Variants in ANXA3 observed in about 807,000 individuals in gnomAD.
ANXA3 encodes annexin A3.
In ANXA3, 46 loss-of-function variants were observed where a neutral mutation model predicts 48.8. The ratio of observed to expected loss-of-function variants is 0.94; its 90% CI spans 0.74 to 1.21. The LOEUF is 1.21. Ranked by LOEUF, ANXA3 falls within the 50% of genes most tolerant of loss-of-function variation. The pLI is 0.00. For missense variants in ANXA3, 383 were observed against 378.6 expected (o/e 1.01, Z -0.10); for synonymous variants, 128 against 134.7 (o/e 0.95, Z 0.35).
chr4:78,571,234 C>T (rs1211711119), intron 2 of ANXA3: 6 of 152,192 alleles, frequency 3.9e-5, no homozygotes, highest in Admixed American at 1.3e-4. Context: ...TGGCCCTGAA[C>T]TCCTGGGCTC....
At chr4:78,585,684 C>T (rs1723159315) in intron 5 of ANXA3, among the ~76,000 whole-genome samples, 2 of 152,194 alleles carry the variant, frequency 1.3e-5, no homozygotes, top group South Asian at 2.1e-4. Flanking sequence ...TGTTCATATG[C>T]TGCACTGGCC....
chr4:78,582,497 T>C lies in ANXA3; in HGVS notation c.312+207T>C, dbSNP rs139188423. Reference sequence around the variant, plus strand: ...GGGCTGGAAGAATTTTGTCATATCCTTTGTTTGACATGAAGAGTCAAGTTC... The same window carrying C: ...GGGCTGGAAGAATTTTGTCATATCCCTTGTTTGACATGAAGAGTCAAGTTC... On this transcript the variant is annotated intron_variant, in intron 5 of 12. Coordinates refer to ENST00000264908, the MANE Select transcript of ANXA3 (RefSeq NM_005139.3). 585 of 469,246 alleles carry C rather than the reference T, an allele frequency of 1.2e-3. 3 individuals are homozygous for C. Among genetic ancestry groups the C allele is most frequent in the African/African-American group, 9.9e-3 (509 of 51,384 alleles). 29.1% of individuals were successfully genotyped at this position (469,246 alleles called of 1,614,324 possible).
At chr4:78,569,032 A>G (rs1476095969) in intron 2 of ANXA3, among the ~76,000 whole-genome samples, 1 of 152,254 alleles carries the variant, frequency 6.6e-6, no homozygotes, top group Non-Finnish European at 1.5e-5. Context: ...GAATAAGCAA[A>G]TGCAGGAAAC....
intron 2 of ANXA3, among the ~76,000 whole-genome samples, chr4:78,562,059 T>C (rs1409887405): frequency 6.6e-6 from 1 of 152,122 alleles, no homozygotes; most frequent in Non-Finnish European, 1.5e-5. Context: ...TATTTAATCA[T>C]GATAAAACTA....
intron 10 of ANXA3, among the ~76,000 whole-genome samples, chr4:78,597,947 G>C (rs1723455166): frequency 6.6e-6 from 1 of 151,686 alleles, no homozygotes; most frequent in Non-Finnish European, 1.5e-5. Flanking sequence ...TTTTAAATTT[G>C]TATTTGTCTT....
chr4:78,575,949 G>A (rs1722942941), intron 3 of ANXA3, among the ~76,000 whole-genome samples: 1 of 151,850 alleles, frequency 6.6e-6, no homozygotes, highest in South Asian at 2.1e-4. Flanking sequence ...ACATTTAATT[G>A]TCCCAGAACA....
chr4:78,572,603 C>T (rs1722861290), intron 2 of ANXA3, among the ~76,000 whole-genome samples: 1 of 151,998 alleles, frequency 6.6e-6, no homozygotes, highest in Non-Finnish European at 1.5e-5. Flanking sequence ...GAGTCTGCTT[C>T]TAAGTGGGGG....
intron 8 of ANXA3, 143 bp from the exon 9 acceptor site, chr4:78,595,651 A>G (rs1723408023): frequency 2.7e-6 from 2 of 754,398 alleles, no homozygotes; most frequent in South Asian, 1.8e-5. Context: ...TGACAGCCCA[A>G]TTTTTGATTT....
At chr4:78,582,322 G>A in intron 5 of ANXA3, 32 bp downstream of exon 5, 1 of 1,464,168 alleles carries the variant, frequency 6.8e-7, no homozygotes, top group Non-Finnish European at 9.6e-7. Context: ...TTTCTGCCCA[G>A]GGTTTGACCA....
chr4:78,595,704 A>T, intron 8 of ANXA3, 90 bp from the exon 9 acceptor site: 1 of 846,520 alleles, frequency 1.2e-6, no homozygotes, highest in South Asian at 1.6e-5. Context: ...AGATGATGGC[A>T]CTGACCTCTG....
chr4:78,565,607 G>A (rs1031647161), intron 2 of ANXA3, among the ~76,000 whole-genome samples: 2 of 152,204 alleles, frequency 1.3e-5, no homozygotes, highest in Non-Finnish European at 2.9e-5. Context: ...AATTGGCGAT[G>A]AGCACAGAAA....
At chr4:78,552,906 C>T (rs1316340265) in intron 1 of ANXA3, among the ~76,000 whole-genome samples, 1 of 152,148 alleles carries the variant, frequency 6.6e-6, no homozygotes, top group East Asian at 1.9e-4. Flanking sequence ...GTAGAGAAAC[C>T]TGTTTAGAAA....
At chr4:78,584,941 C>T (rs375682829) in intron 5 of ANXA3, among the ~76,000 whole-genome samples, 2 of 152,200 alleles carry the variant, frequency 1.3e-5, no homozygotes, top group African/African-American at 4.8e-5. Context: ...CCGAGAAAAC[C>T]TTGGTAGGCT....
chr4:78,595,324 A>G, intron 7 of ANXA3, 57 bp from the exon 8 acceptor site: 1 of 1,567,796 alleles, frequency 6.4e-7, no homozygotes, highest in Non-Finnish European at 8.8e-7. Flanking sequence ...TTGAAGTACT[A>G]TGTGTTAGAA....
chr4:78,569,779 C>G (rs1389479140), intron 2 of ANXA3, among the ~76,000 whole-genome samples: 1 of 152,192 alleles, frequency 6.6e-6, no homozygotes, highest in Non-Finnish European at 1.5e-5. Flanking sequence ...TCCCTCGAGG[C>G]ATTGTGATGT....
intron 7 of ANXA3, among the ~76,000 whole-genome samples, chr4:78,594,702 CA>C (rs1175965851): frequency 1.3e-5 from 2 of 152,216 alleles, no homozygotes; most frequent in African/African-American, 4.8e-5. Context: ...TGAGATCTTT[CA>C]ACCATTTTTA....
At chr4:78,563,698 T>C (rs536720784) in intron 2 of ANXA3, among the ~76,000 whole-genome samples, 2 of 152,214 alleles carry the variant, frequency 1.3e-5, no homozygotes, top group South Asian at 2.1e-4. Context: ...TATTTTGTTA[T>C]ATCAGCCTGG....
intron 10 of ANXA3, 139 bp downstream of exon 10, chr4:78,597,553 C>T (rs1288404945): frequency 3.4e-6 from 2 of 582,496 alleles, no homozygotes; most frequent in East Asian, 3.1e-5. Flanking sequence ...CCAGGATACA[C>T]ACAGTACGCT....
intron 1 of ANXA3, among the ~76,000 whole-genome samples, chr4:78,553,433 C>G (rs537080742): frequency 8.5e-5 from 13 of 152,182 alleles, no homozygotes; most frequent in African/African-American, 2.7e-4. Flanking sequence ...GGCAACACCC[C>G]CTTCTTCACT....
Sources: allele counts gnomAD v4.1 joint callset (sites outside exome capture counted in the v4.1 genomes callset), GRCh38; gene constraint gnomAD v4.1.1; transcripts MANE v1.5; gene names NCBI Gene and HGNC (gene_info 2026-07-23, HGNC 2026-07-21).